FARP1: variants seen among roughly 807,000 people sequenced by gnomAD.
The protein encoded by FARP1 is FERM, ARH/RhoGEF and pleckstrin domain protein 1.
In FARP1, 52 loss-of-function variants were observed where a neutral mutation model predicts 128.8. The observed-to-expected ratio is 0.40, with a 90% CI of 0.32 to 0.51. The LOEUF (loss-of-function observed/expected upper bound fraction) is 0.51. Ranked by LOEUF, FARP1 falls within the 20% of genes least tolerant of loss-of-function variation. The pLI, the probability that FARP1 is intolerant of heterozygous loss-of-function variation, is 0.45. For synonymous variants in FARP1, 580 were observed against 551.8 expected, an observed-to-expected ratio of 1.05 and a Z score of -0.72; for missense variants, 1,333 against 1,367.9, an observed-to-expected ratio of 0.97 and a Z score of 0.40.
intron 2 of FARP1, among the ~76,000 whole-genome samples, chr13:98,285,933 G>A (rs1416906163): frequency 1.3e-5 from 2 of 152,074 alleles, no homozygotes; most frequent in African/African-American, 4.8e-5. Context: ...GCCCGTTTGG[G>A]GGTCCCCTGT....
intron 2 of FARP1, among the ~76,000 whole-genome samples, chr13:98,325,653 C>T (rs1887197251): frequency 2.0e-5 from 3 of 152,196 alleles, no homozygotes; most frequent in Admixed American, 1.3e-4. Context: ...TGACAGAAGG[C>T]ATTGAGAAAT....
chr13:98,147,082 C>T (rs1336112129), intron 1 of FARP1, among the ~76,000 whole-genome samples: 1 of 152,154 alleles, frequency 6.6e-6, no homozygotes, highest in Non-Finnish European at 1.5e-5. Context: ...CCTTTGTTTT[C>T]AATCAAGAAG....
chr13:98,295,369 T>C (rs1325247979), intron 2 of FARP1, among the ~76,000 whole-genome samples: 1 of 152,128 alleles, frequency 6.6e-6, no homozygotes. Context: ...TCAGTGGATA[T>C]GGGGAGGATG....
At chr13:98,343,696 G>A in intron 2 of FARP1, 66 bp from the exon 3 acceptor site, 2 of 1,103,678 alleles carry the variant, frequency 1.8e-6, no homozygotes, top group Non-Finnish European at 1.4e-6. Flanking sequence ...TTCCTGCAGC[G>A]AGGAGCTGTG....
At position 98,449,641 on chromosome 13, in the gene FARP1, C is replaced by T. The variant is rs115403911; in HGVS notation, c.*1324C>T. On this transcript the variant is annotated 3_prime_UTR_variant, in exon 27 of 27. Coordinates refer to ENST00000319562, the MANE Select transcript of FARP1 (RefSeq NM_005766.4). ...CTGGAAACAAACAGCAACTTGCAAA[C>T]GGACGAAGAGCCTGCCGTGTGTTAA... 5.4e-3 allele frequency: 821 copies of T among 152,720 alleles called. 5 individuals carry two copies. The highest frequency in any genetic ancestry group is 0.017 in the African/African-American group (725 of 41,552). 9.5% of individuals were successfully genotyped at this position (152,720 alleles called of 1,614,324 possible).
chr13:98,408,741 G>A (rs150636646), intron 13 of FARP1, among the ~76,000 whole-genome samples: 3 of 152,326 alleles, frequency 2.0e-5, no homozygotes, highest in Admixed American at 6.5e-5. Flanking sequence ...GCATGTTGAA[G>A]TGATCACATA....
intron 5 of FARP1, among the ~76,000 whole-genome samples, chr13:98,373,904 TTTCA>T (rs1219361968): frequency 6.6e-6 from 1 of 152,196 alleles, no homozygotes; most frequent in Non-Finnish European, 1.5e-5. Context: ...AAAAATACCC[TTTCA>T]TTATTATAAT....
chr13:98,377,974 T>C (rs548780854), intron 6 of FARP1, 56 bp downstream of exon 6: 509 of 1,291,268 alleles, frequency 3.9e-4, no homozygotes, highest in Non-Finnish European at 4.8e-4. Flanking sequence ...AGTGATCTGA[T>C]TGATGGGAAA....
At chr13:98,438,524 TG>T (rs1426282753) in intron 19 of FARP1, among the ~76,000 whole-genome samples, 1 of 152,094 alleles carries the variant, frequency 6.6e-6, no homozygotes, top group Admixed American at 6.6e-5. Flanking sequence ...TGTACCTTCC[TG>T]GGGAGGAGAC....
chr13:98,205,419 G>A (rs1207909751), intron 1 of FARP1, among the ~76,000 whole-genome samples: 1 of 151,698 alleles, frequency 6.6e-6, no homozygotes, highest in Non-Finnish European at 1.5e-5. Context: ...TTTAGACAGA[G>A]TCTCACTCTG....
At chr13:98,388,526 G>A (rs370261240) in intron 9 of FARP1, 48 bp downstream of exon 9, 43 of 1,405,960 alleles carry the variant, frequency 3.1e-5, no homozygotes, top group African/African-American at 2.1e-4. Context: ...ATGGGATGGC[G>A]TGTGTCCTGC....
At chr13:98,404,391 C>T (rs1408695188) in intron 13 of FARP1, 1 of 139,146 alleles carries the variant, frequency 7.2e-6, no homozygotes, top group Non-Finnish European at 1.6e-5. Context: ...ATACCGCCAG[C>T]TTTGCGTATT....
chr13:98,292,011 G>A (rs1175934316), intron 2 of FARP1, among the ~76,000 whole-genome samples: 2 of 152,150 alleles, frequency 1.3e-5, no homozygotes, highest in Non-Finnish European at 2.9e-5. Flanking sequence ...AACTTGGGTG[G>A]GTGGATATTG....
chr13:98,340,214 G>A (rs1447011348), intron 2 of FARP1, among the ~76,000 whole-genome samples: 2 of 152,068 alleles, frequency 1.3e-5, no homozygotes, highest in African/African-American at 4.8e-5. Flanking sequence ...GTGCTTGCCA[G>A]CTGGTCAGAT....
rs1417790631 is a variant in FARP1 at position 98,213,378 on chromosome 13, A to G, written c.136A>G (p.Met46Val). 2 of 1,614,020 alleles carry G rather than the reference A, an allele frequency of 1.2e-6. No individual in the cohort carries two copies. The highest frequency in any genetic ancestry group is 2.2e-5 in the South Asian group (2 of 91,066). Residue 46 changes from methionine (M) to valine (V), a missense_variant, in exon 2 of 27, where the codon ATG becomes GTG. Around this residue, in one of 2 missense-constraint regions of FARP1, gnomAD observed 324 missense variants for 398.1 expected, o/e 0.81. Transcript: ENST00000319562. ...AAAACTCGTGTCCATCAAAATCCAGATGCTGGATGACACCCAGGAGGCATT... is the reference window on the plus strand; with the variant it reads ...AAAACTCGTGTCCATCAAAATCCAGGTGCTGGATGACACCCAGGAGGCATT... ...SGKLVSIKIQ[M>V]LDDTQEAFEV...
At chr13:98,404,741 A>C (rs1890910624) in intron 13 of FARP1, 1 of 152,372 alleles carries the variant, frequency 6.6e-6, no homozygotes, top group South Asian at 2.1e-4. Flanking sequence ...AAATAATTTT[A>C]TGTGGGGGAA....
chr13:98,308,876 C>T (rs1886312098), intron 2 of FARP1, among the ~76,000 whole-genome samples: 1 of 152,008 alleles, frequency 6.6e-6, no homozygotes, highest in African/African-American at 2.4e-5. Context: ...CGGGGTTTCA[C>T]CACGTTGCCC....
At chr13:98,437,251 T>G (rs1237637963) in intron 19 of FARP1, among the ~76,000 whole-genome samples, 1 of 152,230 alleles carries the variant, frequency 6.6e-6, no homozygotes, top group Non-Finnish European at 1.5e-5. Context: ...TGGGCAAGTT[T>G]CTTAATCATT....
At chr13:98,273,579 G>A (rs539669518) in intron 2 of FARP1, among the ~76,000 whole-genome samples, 17 of 152,348 alleles carry the variant, frequency 1.1e-4, no homozygotes, top group African/African-American at 4.1e-4. Context: ...AGTTTACACT[G>A]AAATGAGCTG....
Sources: allele counts gnomAD v4.1 joint callset (sites outside exome capture counted in the v4.1 genomes callset), GRCh38; gene constraint gnomAD v4.1.1; regional missense constraint gnomAD v4.1.1; transcripts MANE v1.5; gene names NCBI Gene and HGNC (gene_info 2026-07-23, HGNC 2026-07-21).